The following LRBA variants were observed in gnomAD, a reference collection of about 807,000 sequenced individuals.
LRBA encodes lipopolysaccharide-responsive and beige-like anchor protein.
A neutral mutation model predicts 330.0 loss-of-function variants in LRBA; 176 were observed. The ratio of observed to expected loss-of-function variants is 0.53; its 90% CI spans 0.47 to 0.60. The LOEUF is 0.60. Ranked by LOEUF, LRBA falls within the 20% of genes least tolerant of loss-of-function variation. The probability of loss-of-function intolerance (pLI) is 0.00; values close to 1 mark genes in which losing one functional copy is unlikely to be tolerated. For synonymous variants in LRBA, 1,230 were observed against 1,193.0 expected (o/e 1.03, Z -0.64); for missense variants, 3,259 against 3,444.8 (o/e 0.95, Z 1.35).
At chr4:150,840,109 G>A (rs1748838160) in intron 28 of LRBA, among the ~76,000 whole-genome samples, 1 of 152,128 alleles carries the variant, frequency 6.6e-6, no homozygotes, top group Non-Finnish European at 1.5e-5. Flanking sequence ...AAGAGCGTTG[G>A]AGCCTTATCT....
chr4:150,858,057 T>C (rs1337231168), intron 22 of LRBA, among the ~76,000 whole-genome samples: 1 of 152,176 alleles, frequency 6.6e-6, no homozygotes, highest in Non-Finnish European at 1.5e-5. Context: ...AAGTTATACA[T>C]AGGTGTTTGG....
Position 151,007,522 on chromosome 4 carries a change from A to C in LRBA, c.216+6905T>G, listed in dbSNP as rs909393148. 8.2e-5 allele frequency among the ~76,000 whole-genome samples: 12 copies of C among 146,312 alleles called. No homozygotes were observed. The South Asian group carries it at 1.2e-3, about 15-fold the overall frequency. On this transcript the variant is annotated intron_variant, in intron 2 of 56. Coordinates refer to ENST00000651943, the MANE Select transcript of LRBA (RefSeq NM_001364905.1). ...TCTGTCTCAAAAAAAAAAAAACAAA[A>C]AAAAAAATGGCACTCTTAACAATTG...
At chr4:150,305,364 T>C (rs981894569) in intron 52 of LRBA, among the ~76,000 whole-genome samples, 1 of 152,206 alleles carries the variant, frequency 6.6e-6, no homozygotes, top group Non-Finnish European at 1.5e-5. Flanking sequence ...CATTCAGTCA[T>C]GGTGGTTCCT....
At chr4:150,536,227 C>G (rs1262712516) in intron 40 of LRBA, among the ~76,000 whole-genome samples, 1 of 151,752 alleles carries the variant, frequency 6.6e-6, no homozygotes, top group East Asian at 1.9e-4. Flanking sequence ...CCACTTTGGG[C>G]AAAAAAGTTA....
intron 31 of LRBA, among the ~76,000 whole-genome samples, chr4:150,809,885 GATAC>G (rs1743407075): frequency 6.8e-6 from 1 of 147,500 alleles, no homozygotes; most frequent in African/African-American, 2.6e-5. Context: ...GATACGATAC[GATAC>G]GATACGATAC....
intron 37 of LRBA, among the ~76,000 whole-genome samples, chr4:150,625,805 G>A (rs187379945): frequency 1.3e-5 from 2 of 151,800 alleles, no homozygotes; most frequent in Admixed American, 1.3e-4. Context: ...CACCTCCCGG[G>A]TTAGAGTGAT....
rs1049950763 is a variant in LRBA, at chr4:150,525,315, G to C, written c.6331-34280C>G. Among the ~76,000 whole-genome samples the C allele has an allele frequency of 5.9e-5, 9 of 151,508 alleles. No individual in the cohort carries two copies. In the East Asian group the frequency reaches 1.7e-3, roughly 29 times the overall value. On this transcript the variant is annotated intron_variant, in intron 40 of 56. Transcript: ENST00000651943. ...ACTAAGAGAACACATTTTGATTTCA[G>C]TGTTTTTCCATTATGTTCTTTTTTT...
intron 19 of LRBA, 60 bp from the exon 20 acceptor site, chr4:150,870,666 G>T (rs1037848869): frequency 2.5e-6 from 2 of 802,312 alleles, no homozygotes; most frequent in African/African-American, 1.7e-5. Context: ...CACTATTAAT[G>T]AACTTTAAGT....
At chr4:150,885,890 T>C (rs952446677) in intron 17 of LRBA, among the ~76,000 whole-genome samples, 1 of 152,164 alleles carries the variant, frequency 6.6e-6, no homozygotes, top group Admixed American at 6.5e-5. Flanking sequence ...AAAAGTATTC[T>C]GAGATGAACA....
At chr4:150,554,864 G>T (rs989113989) in intron 40 of LRBA, among the ~76,000 whole-genome samples, 3 of 152,004 alleles carry the variant, frequency 2.0e-5, no homozygotes, top group Non-Finnish European at 4.4e-5. Flanking sequence ...CATTAGGATG[G>T]CAAACAAAAC....
intron 37 of LRBA, among the ~76,000 whole-genome samples, chr4:150,652,036 G>A (rs1318460748): frequency 6.6e-6 from 1 of 152,086 alleles, no homozygotes; most frequent in Admixed American, 6.6e-5. Flanking sequence ...TAGAGATGGG[G>A]TTTTGCCATG....
chr4:150,415,520 A>G lies in LRBA; in HGVS notation c.7112T>C (p.Met2371Thr), dbSNP rs758015626. Residue 2371 changes from methionine (M) to threonine (T), a missense_variant, in exon 47 of 57, where the codon ATG (methionine) becomes ACG (threonine). Coordinates refer to ENST00000651943, the MANE Select transcript of LRBA (RefSeq NM_001364905.1). ...ATCAGACACTACTGTCCCATCATCC[A>G]TCACTCCAAGATTATAATTATTGAA... Reference protein sequence around the residue: ...VNFNNYNLGVMDDGTVVSDVE... With the variant: ...VNFNNYNLGVTDDGTVVSDVE... The G allele has an allele frequency of 1.9e-6, 3 of 1,606,806 alleles. No homozygotes were observed. The highest frequency in any genetic ancestry group is 3.3e-5 in the Admixed American group (2 of 60,012).
At chr4:150,886,112 C>A (rs1308466634) in intron 17 of LRBA, among the ~76,000 whole-genome samples, 1 of 152,086 alleles carries the variant, frequency 6.6e-6, no homozygotes, top group Non-Finnish European at 1.5e-5. Context: ...GAAAAAAACA[C>A]AAAAATCAAC....
chr4:150,905,736 T>C (rs1731254713), intron 13 of LRBA, 102 bp downstream of exon 13: 3 of 1,021,476 alleles, frequency 2.9e-6, no homozygotes, highest in Non-Finnish European at 4.3e-6. Flanking sequence ...AAGTCTTGCA[T>C]AATAGTACAT....
chr4:150,711,753 AAC>A (rs1176892704), intron 36 of LRBA, among the ~76,000 whole-genome samples: 3 of 152,214 alleles, frequency 2.0e-5, no homozygotes, highest in African/African-American at 4.8e-5. Context: ...ATTACTTTTA[AAC>A]ACATTTCTGT....
intron 17 of LRBA, among the ~76,000 whole-genome samples, chr4:150,877,675 A>C (rs1754200233): frequency 6.6e-6 from 1 of 152,198 alleles, no homozygotes; most frequent in Admixed American, 6.5e-5. Flanking sequence ...CACTTGACTA[A>C]TTGGACCTAA....
intron 36 of LRBA, among the ~76,000 whole-genome samples, chr4:150,725,231 A>G (rs1490109383): frequency 1.3e-5 from 2 of 152,114 alleles, no homozygotes; most frequent in Non-Finnish European, 2.9e-5. Flanking sequence ...CTTGAGAAAG[A>G]TATCAAATTC....
chr4:150,775,456 C>T (rs1737152717), intron 34 of LRBA, among the ~76,000 whole-genome samples: 1 of 1,354 alleles, frequency 7.4e-4, no homozygotes, highest in Non-Finnish European at 3.7e-3. Context: ...CAATGGAACA[C>T]ACACACACAC....
chr4:150,374,174 T>C (rs1740881680), intron 47 of LRBA, among the ~76,000 whole-genome samples: 1 of 152,166 alleles, frequency 6.6e-6, no homozygotes, highest in Non-Finnish European at 1.5e-5. Context: ...GAAACGTTTC[T>C]CCCTCTATGA....
Sources: allele counts gnomAD v4.1 joint callset (sites outside exome capture counted in the v4.1 genomes callset), GRCh38; gene constraint gnomAD v4.1.1; transcripts MANE v1.5; gene names NCBI Gene and HGNC (gene_info 2026-07-23, HGNC 2026-07-21).